Variants in DOCK9 observed in about 807,000 individuals in gnomAD.
DOCK9 encodes dedicator of cytokinesis protein 9.
In DOCK9, 89 loss-of-function variants were observed where a neutral mutation model predicts 263.3. That is an observed-to-expected ratio of 0.34 (90% confidence interval 0.28 to 0.40). The LOEUF (loss-of-function observed/expected upper bound fraction) is 0.40, where lower values mean the gene tolerates loss of function less well. DOCK9 is among the 10% of genes least tolerant of loss of function. DOCK9 has a pLI of 1.00. For missense variants in DOCK9, 2,140 were observed against 2,603.4 expected (o/e 0.82, Z 3.87); for synonymous variants, 976 against 973.1 (o/e 1.00, Z -0.06).
At chr13:98,887,141 A>ATTTTTTTTTTTTTT (rs1335567169) in intron 18 of DOCK9, among the ~76,000 whole-genome samples, 4 of 59,640 alleles carry the variant, frequency 6.7e-5, no homozygotes, top group Non-Finnish European at 1.2e-4. Flanking sequence ...ATATATATAT[A>ATTTTTTTTTTTTTT]TATTTTTTTT....
intron 1 of DOCK9, among the ~76,000 whole-genome samples, chr13:99,070,931 A>G (rs556373881): frequency 4.6e-5 from 7 of 152,348 alleles, no homozygotes; most frequent in South Asian, 2.1e-4. Flanking sequence ...TTTTCCGTGA[A>G]CAAAATATTG....
rs952154910 is a variant in DOCK9, at chr13:98,842,537, CACG to C, written c.4198+3384_4198+3386del. Reference sequence around the variant, plus strand: ...TGAACTTGATGTATTCCTAGAACAACACGACATCAAAGTAAACATAGTGTTATT... The same window carrying C: ...TGAACTTGATGTATTCCTAGAACAACACATCAAAGTAAACATAGTGTTATT... On this transcript the variant is annotated intron_variant, in intron 38 of 52. Transcript: ENST00000682017. Among the ~76,000 whole-genome samples the C allele has an allele frequency of 2.6e-5, 4 of 152,286 alleles. No individual in the cohort carries two copies. In the East Asian group the frequency reaches 5.8e-4, roughly 22 times the overall value.
chr13:99,022,698 T>G (rs1304159906), intron 1 of DOCK9, among the ~76,000 whole-genome samples: 1 of 152,158 alleles, frequency 6.6e-6, no homozygotes, highest in African/African-American at 2.4e-5. Flanking sequence ...ATTCCAGCAC[T>G]TTTGGAGTCT....
chr13:99,035,238 A>G (rs947344398), intron 1 of DOCK9, among the ~76,000 whole-genome samples: 5 of 152,248 alleles, frequency 3.3e-5, no homozygotes, highest in Admixed American at 6.5e-5. Context: ...TAATATTAGT[A>G]AACATTCTGA....
intron 1 of DOCK9, among the ~76,000 whole-genome samples, chr13:98,958,199 C>T (rs764507150): frequency 6.6e-6 from 1 of 152,212 alleles, no homozygotes; most frequent in Non-Finnish European, 1.5e-5. Context: ...AAAGGGCACA[C>T]CCTCCAGGAA....
intron 1 of DOCK9, among the ~76,000 whole-genome samples, chr13:98,969,448 G>A (rs1354277676): frequency 7.7e-6 from 1 of 129,202 alleles, no homozygotes; most frequent in African/African-American, 2.9e-5. Context: ...GGACCATGCT[G>A]AGAAGCGGGA....
chr13:98,956,616 A>G (rs1176348520), intron 1 of DOCK9, among the ~76,000 whole-genome samples: 2 of 152,120 alleles, frequency 1.3e-5, no homozygotes, highest in African/African-American at 2.4e-5. Context: ...GCGTGGTGGC[A>G]TACGCTTGTA....
In DOCK9 at chr13:99,044,900, T is replaced by C. The variant is rs538191363; in HGVS notation, c.129+41323A>G. The stretch of plus-strand genomic sequence containing the variant: ...GTTTCTCAGGAGCAGGACAGGATTT[T>C]ACCATACTGAGAGCAGAGGGGAACT... On this transcript the variant is annotated intron_variant, in intron 1 of 32. Coordinates refer to the DOCK9 transcript ENST00000427887. Among the ~76,000 whole-genome samples the C allele has an allele frequency of 2.6e-5, 4 of 152,302 alleles. No individual in the cohort carries two copies. The South Asian group carries it at 6.2e-4, about 24-fold the overall frequency.
intron 1 of DOCK9, among the ~76,000 whole-genome samples, chr13:98,997,017 C>T (rs1881209951): frequency 6.6e-6 from 1 of 152,224 alleles, no homozygotes; most frequent in Non-Finnish European, 1.5e-5. Context: ...GCTCCCCTCT[C>T]ACAACCTGAA....
intron 47 of DOCK9, among the ~76,000 whole-genome samples, chr13:98,808,399 A>G (rs968625194): frequency 1.3e-5 from 2 of 152,254 alleles, no homozygotes; most frequent in African/African-American, 4.8e-5. Flanking sequence ...ATGTTTGACT[A>G]CAAGGCTTAG....
chr13:99,087,208 G>C (rs2042368762), upstream of DOCK9, among the ~76,000 whole-genome samples: 1 of 152,140 alleles, frequency 6.6e-6, no homozygotes. Context: ...GTGGCGCCTC[G>C]GCCTCCCCAC....
chr13:98,863,745 G>A (rs541452438), intron 30 of DOCK9, among the ~76,000 whole-genome samples, 197 bp from the exon 31 acceptor site: 6 of 152,314 alleles, frequency 3.9e-5, no homozygotes, highest in Admixed American at 2.6e-4. Flanking sequence ...AGCACAGGAG[G>A]ATCTTAAATG....
At chr13:99,011,604 A>T (rs1389853550) in intron 1 of DOCK9, among the ~76,000 whole-genome samples, 1 of 152,260 alleles carries the variant, frequency 6.6e-6, no homozygotes, top group Non-Finnish European at 1.5e-5. Flanking sequence ...ACAGCTAACA[A>T]TTAACACTTA....
chr13:98,903,727 T>G (rs1235304513), intron 10 of DOCK9, among the ~76,000 whole-genome samples: 2 of 151,092 alleles, frequency 1.3e-5, no homozygotes, highest in African/African-American at 2.4e-5. Flanking sequence ...CCATCAAGTA[T>G]CCAACCAAGT....
chr13:98,888,532 G>C lies in DOCK9; in HGVS notation c.1805C>G (p.Ser602Ter). Residue 602 changes from serine to a stop codon, truncating the protein, a stop_gained, in exon 17 of 53, where the codon TCA becomes TGA. Coordinates refer to ENST00000682017, the MANE Select transcript of DOCK9 (RefSeq NM_001366683.2). LOFTEE classifies it high-confidence loss of function. ...TTCAAATTGTTTTGTGGGAATGTATGATGAATTAACATAATCTGCAAAGAT... is the reference window on the plus strand; with the variant it reads ...TTCAAATTGTTTTGTGGGAATGTATCATGAATTAACATAATCTGCAAAGAT... ...SSDFPNYVNSSYIPTKQFETC... is the reference protein window; with the variant it reads ...SSDFPNYVNS The C allele has an allele frequency of 6.2e-7, 1 of 1,613,854 alleles. No homozygotes were observed. The highest frequency in any genetic ancestry group is 8.5e-7 in the Non-Finnish European group (1 of 1,179,816).
At chr13:99,021,689 A>G (rs1014882997) in intron 1 of DOCK9, among the ~76,000 whole-genome samples, 2 of 151,968 alleles carry the variant, frequency 1.3e-5, no homozygotes, top group African/African-American at 4.8e-5. Context: ...AACATGAAAA[A>G]AGAGTTAAGA....
intron 15 of DOCK9, among the ~76,000 whole-genome samples, chr13:98,892,311 T>C (rs1417793924): frequency 6.6e-6 from 1 of 152,170 alleles, no homozygotes; most frequent in Non-Finnish European, 1.5e-5. Context: ...AGTCCTCCCA[T>C]GCCAACAGAT....
In DOCK9 at chr13:98,793,941, T is replaced by C. The variant is rs1418751859; in HGVS notation, c.*685A>G. The C allele has an allele frequency of 6.5e-6, 1 of 152,672 alleles. No individual in the cohort carries two copies. Among genetic ancestry groups the C allele is most frequent in the Non-Finnish European group, 1.5e-5 (1 of 68,056 alleles). 9.5% of individuals were successfully genotyped at this position (152,672 alleles called of 1,614,324 possible). ...CCAGGACTGTATTAACAATGATATGTACATAACAATATACTGTACTACTTT... is the reference window on the plus strand; with the variant it reads ...CCAGGACTGTATTAACAATGATATGCACATAACAATATACTGTACTACTTT... On this transcript the variant is annotated 3_prime_UTR_variant, in exon 53 of 53. Coordinates refer to ENST00000682017, the MANE Select transcript of DOCK9 (RefSeq NM_001366683.2).
intron 1 of DOCK9, among the ~76,000 whole-genome samples, chr13:99,068,309 C>T (rs1180143865): frequency 1.3e-5 from 2 of 152,340 alleles, no homozygotes; most frequent in East Asian, 3.9e-4. Context: ...CCTGGCCGGG[C>T]GCAGTGGCTC....
Sources: allele counts gnomAD v4.1 joint callset (sites outside exome capture counted in the v4.1 genomes callset), GRCh38; gene constraint gnomAD v4.1.1; transcripts MANE v1.5; gene names NCBI Gene and HGNC (gene_info 2026-07-23, HGNC 2026-07-21).